The following SLC44A5 variants were observed in gnomAD, a reference collection of about 807,000 sequenced individuals.
SLC44A5 encodes choline transporter-like protein 5.
Under a neutral mutation model 101.8 loss-of-function variants are expected in SLC44A5, and 57 were observed. The ratio of observed to expected loss-of-function variants is 0.56; its 90% CI spans 0.45 to 0.70. The LOEUF (loss-of-function observed/expected upper bound fraction) is 0.70, where lower values mean the gene tolerates loss of function less well. Ranked by LOEUF, SLC44A5 falls within the 30% of genes least tolerant of loss-of-function variation. The pLI is 0.00. For synonymous variants in SLC44A5, 281 were observed against 290.9 expected (o/e 0.97, Z 0.35); for missense variants, 737 against 853.1 (o/e 0.86, Z 1.70).
At chr1:75,615,915 C>T (rs1675859485), upstream of SLC44A5, 2 of 985,580 alleles carry the variant, frequency 2.0e-6, no homozygotes, top group African/African-American at 1.7e-5. Flanking sequence ...CCCCGGACCC[C>T]CCACGCGCTT....
chr1:75,247,709 CA>C (rs1649230028), intron 7 of SLC44A5, among the ~76,000 whole-genome samples: 1 of 151,836 alleles, frequency 6.6e-6, no homozygotes, highest in Admixed American at 6.6e-5. Flanking sequence ...CCCTGGAAGC[CA>C]GGTGAAAAAG....
At chr1:75,258,055 G>C (rs1650164714) in intron 6 of SLC44A5, among the ~76,000 whole-genome samples, 1 of 152,118 alleles carries the variant, frequency 6.6e-6, no homozygotes, top group African/African-American at 2.4e-5. Context: ...CCGCAGACCA[G>C]AAGATTCACT....
chr1:75,206,566 C>A, intron 23 of SLC44A5: 1 of 1,284,116 alleles, frequency 7.8e-7, no homozygotes, highest in Non-Finnish European at 1.1e-6. Context: ...CTAATTTACA[C>A]AACTTCTACT....
At chr1:75,638,524 A>C in the SLC44A5 span, among the ~76,000 whole-genome samples, 1 of 152,058 alleles carries the variant, frequency 6.6e-6, no homozygotes, top group Non-Finnish European at 1.5e-5. Context: ...GGTTTAACTA[A>C]GGTAGGAAAG....
At chr1:75,468,701 G>GT (rs1320535975) in intron 2 of SLC44A5, among the ~76,000 whole-genome samples, 1 of 152,120 alleles carries the variant, frequency 6.6e-6, no homozygotes, top group African/African-American at 2.4e-5. Flanking sequence ...TGGGGGATGT[G>GT]GGGATGGTTA....
intron 3 of SLC44A5, chr1:75,353,941 C>T (rs1448038401): frequency 1.4e-5 from 4 of 291,776 alleles, no homozygotes; most frequent in Non-Finnish European, 2.7e-5. Flanking sequence ...TAAGGTAGAA[C>T]CTATTCTCAA....
intron 4 of SLC44A5, among the ~76,000 whole-genome samples, chr1:75,336,667 G>A (rs1461841583): frequency 6.6e-6 from 1 of 152,066 alleles, no homozygotes; most frequent in East Asian, 1.9e-4. Context: ...TCAAGCAAAT[G>A]GTCATACAAC....
chr1:75,433,350 C>T (rs1664716641), intron 2 of SLC44A5, among the ~76,000 whole-genome samples: 1 of 152,116 alleles, frequency 6.6e-6, no homozygotes, highest in Admixed American at 6.6e-5. Context: ...TAAAAAGTTC[C>T]CTGAGCTCTT....
chr1:75,633,267 G>A, the SLC44A5 span, among the ~76,000 whole-genome samples: 3 of 152,112 alleles, frequency 2.0e-5, no homozygotes, highest in Admixed American at 1.3e-4. Flanking sequence ...AAAGGCATTC[G>A]TAGCTTGATG....
intron 4 of SLC44A5, chr1:75,311,525 A>T (rs777070101): frequency 6.3e-5 from 62 of 983,112 alleles, no homozygotes; most frequent in Non-Finnish European, 7.4e-5. Context: ...TTCAACTTAC[A>T]TAACAGGTAC....
intron 4 of SLC44A5, among the ~76,000 whole-genome samples, chr1:75,306,287 C>A (rs1276420199): frequency 6.6e-6 from 1 of 152,080 alleles, no homozygotes; most frequent in African/African-American, 2.4e-5. Flanking sequence ...ACCATAAAGT[C>A]CTCTATTGCA....
chr1:75,717,952 G>T, the SLC44A5 span, among the ~76,000 whole-genome samples: 1 of 152,138 alleles, frequency 6.6e-6, no homozygotes, highest in Non-Finnish European at 1.5e-5. Context: ...AAAGTTCCTT[G>T]GCTCAATTCC....
At chr1:75,590,363 A>T (rs1209157100) in intron 1 of SLC44A5, among the ~76,000 whole-genome samples, 1 of 152,108 alleles carries the variant, frequency 6.6e-6, no homozygotes, top group Non-Finnish European at 1.5e-5. Flanking sequence ...TCTTGCCAGC[A>T]TTCATCACCT....
Position 75,475,583 on chromosome 1 carries a change from C to T in SLC44A5, c.13+65852G>A, listed in dbSNP as rs1261076696. On this transcript the variant is annotated intron_variant, in intron 2 of 23. Transcript: ENST00000370859. The stretch of plus-strand genomic sequence containing the variant: ...TCTGCCAGTTTCACCAGCTTACTTT[C>T]ATTCCCATTTCCCACTATTTTAACT... Among the ~76,000 whole-genome samples the T allele has an allele frequency of 1.3e-5, 2 of 152,220 alleles. 1 individual carries two copies. Among genetic ancestry groups the T allele is most frequent in the East Asian group, 3.8e-4 (2 of 5,196 alleles).
chr1:75,385,435 C>T (rs184404664), intron 3 of SLC44A5, among the ~76,000 whole-genome samples: 50 of 152,158 alleles, frequency 3.3e-4, no homozygotes, highest in African/African-American at 9.4e-4. Flanking sequence ...AATATCTCTA[C>T]GCAAATAAAC....
the SLC44A5 span, among the ~76,000 whole-genome samples, chr1:75,663,830 C>T: frequency 6.6e-6 from 1 of 152,134 alleles, no homozygotes; most frequent in Non-Finnish European, 1.5e-5. Flanking sequence ...CACCTTGATA[C>T]CAAAGTCTGG....
chr1:75,583,069 T>C (rs1673788891), intron 1 of SLC44A5, among the ~76,000 whole-genome samples: 2 of 152,186 alleles, frequency 1.3e-5, no homozygotes, highest in South Asian at 4.1e-4. Flanking sequence ...AAAGCATTAA[T>C]CTAATACTTG....
intron 6 of SLC44A5, among the ~76,000 whole-genome samples, chr1:75,259,130 G>C (rs1650271092): frequency 6.6e-6 from 1 of 152,130 alleles, no homozygotes; most frequent in Non-Finnish European, 1.5e-5. Context: ...TCCTGCAAAG[G>C]ATCACAACTC....
intron 2 of SLC44A5, among the ~76,000 whole-genome samples, chr1:75,480,893 G>GA (rs1223219140): frequency 9.9e-5 from 15 of 152,086 alleles, no homozygotes; most frequent in Non-Finnish European, 1.5e-4. Flanking sequence ...CACAGAATTG[G>GA]AAAAAACTAC....
Sources: allele counts gnomAD v4.1 joint callset (sites outside exome capture counted in the v4.1 genomes callset), GRCh38; gene constraint gnomAD v4.1.1; transcripts MANE v1.5; gene names NCBI Gene and HGNC (gene_info 2026-07-23, HGNC 2026-07-21).